LINGO1: variants seen among roughly 807,000 people sequenced by gnomAD.
LINGO1 encodes the protein leucine-rich repeat and immunoglobulin-like domain-containing nogo receptor-interacting protein 1.
In LINGO1, 11 loss-of-function variants were observed where a neutral mutation model predicts 37.3. That is an observed-to-expected ratio of 0.29 (90% CI 0.19 to 0.49). LINGO1 has a LOEUF of 0.49. Among genes scored for constraint, LINGO1 ranks in the 20% least tolerant of loss-of-function variants. The pLI, the probability that LINGO1 is intolerant of heterozygous loss-of-function variation, is 0.99. For synonymous variants in LINGO1, 387 were observed against 403.0 expected (o/e 0.96, Z 0.48); for missense variants, 585 against 878.2 (o/e 0.67, Z 4.22).
At chr15:77,713,211 TG>T (rs1314269741) in intron 2 of LINGO1, among the ~76,000 whole-genome samples, 14 of 1,710 alleles carry the variant, frequency 8.2e-3, no homozygotes, top group African/African-American at 0.021. Context: ...CCCAGCTAAT[TG>T]TGTGTGTGTG....
At chr15:77,655,294 G>A (rs545644388) in intron 3 of LINGO1, among the ~76,000 whole-genome samples, 1 of 152,314 alleles carries the variant, frequency 6.6e-6, no homozygotes, top group Non-Finnish European at 1.5e-5. Flanking sequence ...CTGCTTTGGA[G>A]CTGCCCATGT....
chr15:77,681,287 C>G (rs758274679), intron 2 of LINGO1, among the ~76,000 whole-genome samples: 4 of 151,908 alleles, frequency 2.6e-5, no homozygotes, highest in Non-Finnish European at 4.4e-5. Context: ...GGTTTTCATC[C>G]TGCTTGAACA....
chr15:77,641,597 T>TG (rs1033135136), intron 3 of LINGO1, among the ~76,000 whole-genome samples: 3 of 152,184 alleles, frequency 2.0e-5, no homozygotes, highest in Non-Finnish European at 4.4e-5. Flanking sequence ...TGGCACTGCA[T>TG]GGGCTCCCCC....
upstream of LINGO1, among the ~76,000 whole-genome samples, chr15:77,633,063 G>A (rs1210115966): frequency 6.6e-6 from 1 of 151,868 alleles, no homozygotes; most frequent in Admixed American, 6.5e-5. Flanking sequence ...CGGAGGGGGC[G>A]GAGAGCGAGG....
intron 1 of LINGO1, among the ~76,000 whole-genome samples, chr15:77,776,897 C>A (rs2076661644): frequency 6.6e-6 from 1 of 152,204 alleles, no homozygotes; most frequent in South Asian, 2.1e-4. Context: ...GACACTGAGG[C>A]ATAGCCAAGG....
intron 1 of LINGO1, among the ~76,000 whole-genome samples, chr15:77,798,967 T>C (rs1196597560): frequency 6.6e-6 from 1 of 152,196 alleles, no homozygotes; most frequent in Non-Finnish European, 1.5e-5. Flanking sequence ...TGTGTGGGTA[T>C]GTCACGTAGG....
chr15:77,814,909 G>C (rs1567598573), intron 1 of LINGO1, among the ~76,000 whole-genome samples: 3 of 152,352 alleles, frequency 2.0e-5, no homozygotes, highest in Admixed American at 6.5e-5. Flanking sequence ...CCCATGGTAA[G>C]GCCATCAGAG....
chr15:77,773,134 C>G (rs1367414209), intron 1 of LINGO1, among the ~76,000 whole-genome samples: 6 of 152,128 alleles, frequency 3.9e-5, no homozygotes, highest in African/African-American at 1.4e-4. Context: ...AAAATGGAGG[C>G]CCCAGAGCCC....
At chr15:77,741,921 A>T (rs184871217) in intron 1 of LINGO1, among the ~76,000 whole-genome samples, 5 of 152,308 alleles carry the variant, frequency 3.3e-5, no homozygotes. Context: ...GCCAAGAGGA[A>T]TCCTTGGTTC....
intron 1 of LINGO1, among the ~76,000 whole-genome samples, chr15:77,784,411 T>C (rs963156355): frequency 2.6e-5 from 4 of 152,272 alleles, no homozygotes; most frequent in Non-Finnish European, 5.9e-5. Context: ...GCAGAGACCC[T>C]GCCCAGCAAG....
At chr15:77,764,386 C>T (rs182035799) in intron 1 of LINGO1, among the ~76,000 whole-genome samples, 10 of 152,242 alleles carry the variant, frequency 6.6e-5, no homozygotes, top group Admixed American at 2.0e-4. Context: ...GACATTACAA[C>T]GGGAAAAGAC....
intron 1 of LINGO1, among the ~76,000 whole-genome samples, chr15:77,691,430 C>T (rs1473650599): frequency 6.6e-6 from 1 of 152,170 alleles, no homozygotes; most frequent in East Asian, 1.9e-4. Context: ...GTTTTCCCAT[C>T]ATGTTCATCG....
At chr15:77,645,276 A>T (rs1023186297) in intron 3 of LINGO1, among the ~76,000 whole-genome samples, 6 of 151,498 alleles carry the variant, frequency 4.0e-5, no homozygotes, top group Admixed American at 3.9e-4. Context: ...GCTTGTAGGG[A>T]CTCCACACAT....
intron 3 of LINGO1, among the ~76,000 whole-genome samples, chr15:77,665,278 A>G (rs1328747690): frequency 6.6e-6 from 1 of 152,294 alleles, no homozygotes; most frequent in African/African-American, 2.4e-5. Context: ...TGTCCTCTCC[A>G]GCCAGGCCTT....
intron 1 of LINGO1, among the ~76,000 whole-genome samples, chr15:77,756,472 T>TGACA (rs1378130513): frequency 7.9e-5 from 11 of 138,696 alleles, no homozygotes; most frequent in African/African-American, 2.8e-4. Context: ...TGACATACAA[T>TGACA]GACAGACAGA....
chr15:77,660,775 T>C (rs1481492589), intron 3 of LINGO1, among the ~76,000 whole-genome samples: 1 of 151,136 alleles, frequency 6.6e-6, no homozygotes, highest in Admixed American at 6.6e-5. Flanking sequence ...AGAGTCTGTC[T>C]GTAGTTTTCC....
At chr15:77,752,986 G>C (rs1235033270) in intron 1 of LINGO1, among the ~76,000 whole-genome samples, 1 of 152,184 alleles carries the variant, frequency 6.6e-6, no homozygotes, top group African/African-American at 2.4e-5. Flanking sequence ...CCATCCTACA[G>C]GGACCTGCTC....
At chr15:77,754,335 G>A (rs985343969) in intron 1 of LINGO1, among the ~76,000 whole-genome samples, 1 of 151,888 alleles carries the variant, frequency 6.6e-6, no homozygotes, top group Non-Finnish European at 1.5e-5. Context: ...GTGGAAGGGA[G>A]GGAAGGAAGA....
intron 2 of LINGO1, among the ~76,000 whole-genome samples, chr15:77,725,893 G>A (rs1435047829): frequency 6.6e-6 from 1 of 152,214 alleles, no homozygotes; most frequent in African/African-American, 2.4e-5. Flanking sequence ...ACATAGAGCG[G>A]CCGCCCCACC....
Sources: gnomAD v4.1 joint callset for allele counts (sites outside exome capture counted in the v4.1 genomes callset) on GRCh38, gnomAD v4.1.1 for gene constraint, MANE v1.5 for transcripts, NCBI Gene and HGNC (gene_info 2026-07-23, HGNC 2026-07-21) for gene names.